MAF: variants seen among roughly 807,000 people sequenced by gnomAD.
The protein encoded by MAF is MAF bZIP transcription factor.
In MAF, 10 loss-of-function variants were observed where a neutral mutation model predicts 22.0. The observed-to-expected ratio is 0.45, with a 90% CI of 0.28 to 0.77. The LOEUF (loss-of-function observed/expected upper bound fraction) is 0.77, where lower values mean the gene tolerates loss of function less well. MAF is among the 30% of genes least tolerant of loss of function. The probability of loss-of-function intolerance (pLI) is 0.12; values close to 1 mark genes in which losing one functional copy is unlikely to be tolerated. For synonymous variants in MAF, 337 were observed against 255.8 expected (o/e 1.32, Z -3.03); for missense variants, 544 against 548.4 (o/e 0.99, Z 0.08).
the MAF span, among the ~76,000 whole-genome samples, chr16:79,577,901 A>T: frequency 4.1e-3 from 627 of 152,150 alleles, 14 homozygotes; most frequent in Admixed American, 0.035. Context: ...TTTCCTCTTC[A>T]TTTTGGTGAC....
At chr16:79,541,547 C>T in the MAF span, among the ~76,000 whole-genome samples, 11 of 151,792 alleles carry the variant, frequency 7.2e-5, no homozygotes, top group African/African-American at 2.2e-4. Flanking sequence ...GAAACTGAGG[C>T]TTAGGACAAT....
chr16:79,379,537 C>A, the MAF span, among the ~76,000 whole-genome samples: 1 of 151,500 alleles, frequency 6.6e-6, no homozygotes, highest in Non-Finnish European at 1.5e-5. Flanking sequence ...ACACAACTAG[C>A]GGGAATTATT....
At chr16:79,577,879 C>G in the MAF span, among the ~76,000 whole-genome samples, 1 of 152,126 alleles carries the variant, frequency 6.6e-6, no homozygotes, top group Non-Finnish European at 1.5e-5. Flanking sequence ...CCATCGACCC[C>G]TTTTTCTACA....
the MAF span, among the ~76,000 whole-genome samples, chr16:79,511,929 C>G: frequency 6.6e-6 from 1 of 152,146 alleles, no homozygotes; most frequent in Non-Finnish European, 1.5e-5. Context: ...CAGCAAAATA[C>G]CAGTCACAGA....
the MAF span, among the ~76,000 whole-genome samples, chr16:79,461,522 A>G: frequency 6.6e-6 from 1 of 152,172 alleles, no homozygotes; most frequent in Non-Finnish European, 1.5e-5. Context: ...CAGGCCAAAA[A>G]GGCTCTTTGT....
chr16:79,467,686 C>A, the MAF span, among the ~76,000 whole-genome samples: 1 of 152,128 alleles, frequency 6.6e-6, no homozygotes, highest in African/African-American at 2.4e-5. Context: ...CCTCGTGAAT[C>A]GGAAACTCTG....
At chr16:79,591,854 G>T (rs563625008), downstream of MAF, among the ~76,000 whole-genome samples, 1 of 152,312 alleles carries the variant, frequency 6.6e-6, no homozygotes, top group African/African-American at 2.4e-5. Flanking sequence ...ATGAATCACA[G>T]ACTGATACAT....
chr16:79,232,969 C>T, the MAF span, among the ~76,000 whole-genome samples: 1 of 151,300 alleles, frequency 6.6e-6, no homozygotes, highest in African/African-American at 2.4e-5. Context: ...GCCTCCCCAG[C>T]AGCTGGGACT....
chr16:79,518,200 T>A, the MAF span, among the ~76,000 whole-genome samples: 1 of 152,134 alleles, frequency 6.6e-6, no homozygotes, highest in Non-Finnish European at 1.5e-5. Flanking sequence ...CAATGTCACA[T>A]TGCTAGAAAG....
chr16:79,380,755 T>C, the MAF span, among the ~76,000 whole-genome samples: 1 of 152,202 alleles, frequency 6.6e-6, no homozygotes, highest in Admixed American at 6.5e-5. Context: ...GCTAGTATAA[T>C]AAATGGCAGA....
At chr16:79,313,984 A>C in the MAF span, among the ~76,000 whole-genome samples, 5 of 152,140 alleles carry the variant, frequency 3.3e-5, no homozygotes, top group Non-Finnish European at 7.3e-5. Context: ...GCCAGGGAAA[A>C]CTATGGCGTT....
At chr16:79,517,009 T>C in the MAF span, among the ~76,000 whole-genome samples, 1 of 152,222 alleles carries the variant, frequency 6.6e-6, no homozygotes, top group African/African-American at 2.4e-5. Context: ...GATCTGTGAA[T>C]GGAACCCCAA....
the MAF span, among the ~76,000 whole-genome samples, chr16:79,338,440 T>C: frequency 1.3e-5 from 2 of 152,226 alleles, no homozygotes; most frequent in Admixed American, 1.3e-4. Context: ...TTAAAGATTT[T>C]CTACACTTTT....
At chr16:79,209,779 C>G in the MAF span, among the ~76,000 whole-genome samples, 1 of 152,194 alleles carries the variant, frequency 6.6e-6, no homozygotes, top group Non-Finnish European at 1.5e-5. Flanking sequence ...CTTTTCCCCA[C>G]ATGGGATGCA....
At chr16:79,212,817 CTGAGTGAGTTTG>C in the MAF span, 1 of 152,188 alleles carries the variant, frequency 6.6e-6, no homozygotes, top group Non-Finnish European at 1.5e-5. Context: ...TGTTTCTTCT[CTGAGTGAGTTTG>C]TGTTTTGTTT....
chr16:79,536,637 G>A, the MAF span, among the ~76,000 whole-genome samples: 10 of 152,208 alleles, frequency 6.6e-5, no homozygotes, highest in East Asian at 9.7e-4. Flanking sequence ...GCTAGACTCC[G>A]TCTTGAAAAA....
chr16:79,204,258 C>G, the MAF span: 5 of 152,114 alleles, frequency 3.3e-5, no homozygotes, highest in African/African-American at 1.2e-4. Flanking sequence ...AAGACATCAT[C>G]AACAATACCT....
chr16:79,575,195 A>T, the MAF span, among the ~76,000 whole-genome samples: 1 of 152,070 alleles, frequency 6.6e-6, no homozygotes, highest in Non-Finnish European at 1.5e-5. Context: ...AAAGGGGTGC[A>T]CATGAATCTC....
At chr16:79,211,714 C>T in the MAF span, 9 of 1,614,108 alleles carry the variant, frequency 5.6e-6, no homozygotes, top group South Asian at 4.4e-5. Context: ...TCACCAGAAG[C>T]TCAGAGCGAA....
Sources: allele counts gnomAD v4.1 joint callset (sites outside exome capture counted in the v4.1 genomes callset), GRCh38; gene constraint gnomAD v4.1.1; transcripts MANE v1.5; gene names NCBI Gene and HGNC (gene_info 2026-07-23, HGNC 2026-07-21).